The following RAVER2 variants were observed in gnomAD, a reference collection of about 807,000 sequenced individuals.
RAVER2 encodes ribonucleoprotein, PTB binding 2, also known as ribonucleoprotein PTB-binding 2.
A neutral mutation model predicts 78.1 loss-of-function variants in RAVER2; 46 were observed. The ratio of observed to expected loss-of-function variants is 0.59; its 90% CI spans 0.46 to 0.75. The LOEUF is 0.75. Ranked by LOEUF, RAVER2 falls within the 30% of genes least tolerant of loss-of-function variation. RAVER2 has a pLI of 0.00. For synonymous variants in RAVER2, 311 were observed against 313.3 expected (o/e 0.99, Z 0.08); for missense variants, 793 against 837.5 (o/e 0.95, Z 0.66).
intron 1 of RAVER2, among the ~76,000 whole-genome samples, chr1:64,754,739 G>T (rs751222961): frequency 7.9e-5 from 12 of 152,186 alleles, no homozygotes; most frequent in Non-Finnish European, 1.8e-4. Context: ...TAGACCCTAG[G>T]TTGAAAAGTG....
At chr1:64,805,322 A>G (rs1304589430) in intron 8 of RAVER2, among the ~76,000 whole-genome samples, 1 of 152,202 alleles carries the variant, frequency 6.6e-6, no homozygotes, top group African/African-American at 2.4e-5. Flanking sequence ...CCTATTGGAT[A>G]TGCTTTAATA....
At chr1:64,801,157 G>A (rs1233582512) in intron 5 of RAVER2, among the ~76,000 whole-genome samples, 2 of 151,316 alleles carry the variant, frequency 1.3e-5, no homozygotes, top group African/African-American at 4.8e-5. Flanking sequence ...GGAGTGTAAT[G>A]GCGTGATCTC....
At chr1:64,793,505 T>G (rs1284573978) in intron 5 of RAVER2, among the ~76,000 whole-genome samples, 1 of 152,222 alleles carries the variant, frequency 6.6e-6, no homozygotes, top group African/African-American at 2.4e-5. Flanking sequence ...TTAACTGTTG[T>G]GTAATCACTT....
chr1:64,781,614 A>T, intron 4 of RAVER2, 43 bp downstream of exon 4: 2 of 1,558,756 alleles, frequency 1.3e-6, no homozygotes, highest in Middle Eastern at 3.7e-4. Context: ...GAGTATAGAA[A>T]ATTCTAATAC....
chr1:64,775,237 TAGAA>T (rs1374183154), intron 2 of RAVER2, among the ~76,000 whole-genome samples: 2 of 152,176 alleles, frequency 1.3e-5, no homozygotes, highest in African/African-American at 4.8e-5. Context: ...CACTAAAGGT[TAGAA>T]AGATAGATTG....
chr1:64,776,162 CT>C (rs1215063162), intron 2 of RAVER2, among the ~76,000 whole-genome samples: 6 of 151,850 alleles, frequency 4.0e-5, no homozygotes, highest in Non-Finnish European at 8.8e-5. Context: ...CTGTTGTTGG[CT>C]CGTTTGTTTT....
At chr1:64,800,280 T>C (rs752693768) in intron 5 of RAVER2, among the ~76,000 whole-genome samples, 1 of 152,170 alleles carries the variant, frequency 6.6e-6, no homozygotes, top group Non-Finnish European at 1.5e-5. Context: ...GTGCAGAAGC[T>C]GTTTAGTTTG....
At chr1:64,814,738 A>G (rs748296834) in exon 11 of RAVER2, 13 of 1,570,238 alleles carry the variant, frequency 8.3e-6, no homozygotes, top group Non-Finnish European at 1.1e-5. Context: ...ATAAGACTGG[A>G]ATTGCAAGCA....
Position 64,777,539 on chromosome 1 carries a change from T to C in RAVER2, c.317-84T>C, listed in dbSNP as rs901523968. 71 of 1,148,224 alleles carry C rather than the reference T, an allele frequency of 6.2e-5. 1 individual carries two copies. The South Asian group carries it at 1.0e-3, about 17-fold the overall frequency. 71.1% of individuals were successfully genotyped at this position (1,148,224 alleles called of 1,614,324 possible). A position where few individuals can be genotyped will look rare whatever the true frequency, so the allele number is the denominator to read the frequency against. Reference sequence around the variant, plus strand: ...CAGAAAAAAGGTGTATGTTTATGTGTACCAAGTCACAGAAGTAAGATATAT... The same window carrying C: ...CAGAAAAAAGGTGTATGTTTATGTGCACCAAGTCACAGAAGTAAGATATAT... On this transcript the variant is annotated intron_variant, in intron 2 of 11. Transcript: ENST00000294428.
chr1:64,768,751 T>G, intron 2 of RAVER2, 29 bp downstream of exon 2: 2 of 1,315,146 alleles, frequency 1.5e-6, no homozygotes, highest in Non-Finnish European at 2.2e-6. Context: ...GTGTCTAATT[T>G]CATTTTGATT....
At chr1:64,798,646 A>G (rs755048995) in intron 5 of RAVER2, among the ~76,000 whole-genome samples, 2 of 152,158 alleles carry the variant, frequency 1.3e-5, no homozygotes, top group African/African-American at 4.8e-5. Context: ...TAGGTAATAC[A>G]TCTAGGGCTT....
At chr1:64,794,978 G>T (rs1436089666) in intron 5 of RAVER2, among the ~76,000 whole-genome samples, 1 of 151,786 alleles carries the variant, frequency 6.6e-6, no homozygotes, top group African/African-American at 2.4e-5. Flanking sequence ...GATCTATTTT[G>T]AGTTAATTTT....
At chr1:64,828,605 G>A (rs1483352987) in intron 11 of RAVER2, among the ~76,000 whole-genome samples, 1 of 151,146 alleles carries the variant, frequency 6.6e-6, no homozygotes, top group African/African-American at 2.4e-5. Context: ...CGTATCAGAA[G>A]AATTACCTTT....
intron 11 of RAVER2, among the ~76,000 whole-genome samples, chr1:64,824,658 G>A (rs540178302): frequency 6.6e-6 from 1 of 152,160 alleles, no homozygotes; most frequent in East Asian, 1.9e-4. Flanking sequence ...GGCTGGGCGG[G>A]GTGGCTCATG....
intron 11 of RAVER2, among the ~76,000 whole-genome samples, chr1:64,826,569 C>T (rs182432085): frequency 3.9e-5 from 6 of 152,148 alleles, no homozygotes; most frequent in East Asian, 1.9e-4. Context: ...ACAGTGGGGT[C>T]GGGGAGGCAG....
At chr1:64,763,135 C>T (rs1274179892) in intron 1 of RAVER2, among the ~76,000 whole-genome samples, 1 of 152,002 alleles carries the variant, frequency 6.6e-6, no homozygotes, top group South Asian at 2.1e-4. Flanking sequence ...CGGTGAAACT[C>T]CGTCTCTACT....
At chr1:64,810,603 G>A (rs1230303246) in intron 9 of RAVER2, among the ~76,000 whole-genome samples, 4 of 152,132 alleles carry the variant, frequency 2.6e-5, no homozygotes, top group Non-Finnish European at 5.9e-5. Context: ...CATTCAGTTC[G>A]TAGTGATAGC....
At chr1:64,789,333 TTG>T (rs1652870669) in intron 4 of RAVER2, 53 bp from the exon 5 acceptor site, 14 of 1,419,110 alleles carry the variant, frequency 9.9e-6, no homozygotes, top group African/African-American at 1.4e-5. Flanking sequence ...GCCTTTGAAA[TTG>T]TGTCTTTGTA....
intron 1 of RAVER2, among the ~76,000 whole-genome samples, chr1:64,759,344 G>C (rs1380950594): frequency 2.1e-4 from 30 of 139,702 alleles, no homozygotes; most frequent in East Asian, 1.8e-3. Flanking sequence ...CTCAGCCTCT[G>C]GAGTAGCTGG....
Sources: gnomAD v4.1 joint callset for allele counts (sites outside exome capture counted in the v4.1 genomes callset) on GRCh38, gnomAD v4.1.1 for gene constraint, MANE v1.5 for transcripts, NCBI Gene and HGNC (gene_info 2026-07-23, HGNC 2026-07-21) for gene names.